Variants in AP3M1 observed in about 807,000 individuals in gnomAD.
AP3M1 encodes the protein adaptor related protein complex 3 subunit mu 1.
A neutral mutation model predicts 42.6 loss-of-function variants in AP3M1; 29 were observed. The ratio of observed to expected loss-of-function variants is 0.68; its 90% CI spans 0.51 to 0.93. The LOEUF is 0.93. AP3M1 is among the 40% of genes least tolerant of loss of function. AP3M1 has a pLI of 0.00. For missense variants in AP3M1, 416 were observed against 510.2 expected (o/e 0.82, Z 1.78); for synonymous variants, 178 against 175.3 (o/e 1.02, Z -0.12).
At chr10:74,139,728 T>C (rs1191932145) in intron 1 of AP3M1, among the ~76,000 whole-genome samples, 1 of 151,530 alleles carries the variant, frequency 6.6e-6, no homozygotes, top group Non-Finnish European at 1.5e-5. Context: ...CCATCCTGGC[T>C]AAGACGGTGA....
At chr10:74,139,645 C>T (rs1271409336) in intron 1 of AP3M1, among the ~76,000 whole-genome samples, 5 of 149,994 alleles carry the variant, frequency 3.3e-5, no homozygotes, top group Non-Finnish European at 5.9e-5. Context: ...AGGCCAGGCG[C>T]GGTGGCTCAC....
chr10:74,124,130 T>A, intron 8 of AP3M1, among the ~76,000 whole-genome samples: 1 of 152,206 alleles, frequency 6.6e-6, no homozygotes, highest in East Asian at 1.9e-4. Flanking sequence ...AATTCTACTT[T>A]CTGTGAATAT....
chr10:74,123,887 T>A lies in AP3M1; in HGVS notation c.1180A>T (p.Met394Leu), dbSNP rs1198943390. The A allele has an allele frequency of 2.5e-6, 4 of 1,613,852 alleles. No individual in the cohort carries two copies. Among genetic ancestry groups the A allele is most frequent in the Admixed American group, 1.7e-5 (1 of 59,994 alleles). ...AATGGCTTATATTTCTCCCCATACA[T>A]GTCCAAACGGTTTACTTTTAAGCCT... The part of the protein sequence containing the change: ...ISGLKVNRLD[M>L]YGEKYKPFKG... Residue 394 changes from methionine to leucine, a missense_variant, in exon 9 of 9, where the codon ATG (methionine) becomes TTG (leucine). Met to Leu is a conservative substitution (Grantham distance 15, BLOSUM62 2). Coordinates refer to ENST00000355264, the MANE Select transcript of AP3M1 (RefSeq NM_012095.6).
chr10:74,138,305 G>A lies in AP3M1; in HGVS notation c.75C>T (p.Ser25=), dbSNP rs201834232. 2 of 1,613,552 alleles carry A rather than the reference G, an allele frequency of 1.2e-6. No individual in the cohort carries two copies. Among genetic ancestry groups the A allele is most frequent in the Non-Finnish European group, 1.7e-6 (2 of 1,179,876 alleles). The change falls in exon 2 of 9, where the codon AGC becomes AGT. Residue 25 remains serine (S), a synonymous_variant. Transcript: ENST00000355264. ...CAAAGAAATAATCACAGACAGACTG[G>A]CTCACAACGCTCTTCCAGTGCTTCT... ...FLEKHWKSVV[S]QSVCDYFFEA... is the part of the protein sequence containing the mutation.
At chr10:74,138,453 C>T in intron 1 of AP3M1, 71 bp from the exon 2 acceptor site, 4 of 1,379,868 alleles carry the variant, frequency 2.9e-6, no homozygotes, top group Non-Finnish European at 3.0e-6. Flanking sequence ...AAAGATTATA[C>T]ACCTTGACCA....
chr10:74,143,666 C>T (rs899067184), intron 1 of AP3M1, among the ~76,000 whole-genome samples: 2 of 151,994 alleles, frequency 1.3e-5, no homozygotes, highest in African/African-American at 2.4e-5. Context: ...TACTATTATC[C>T]CCATTTTACA....
At chr10:74,125,113 T>C (rs1840576832) in intron 7 of AP3M1, among the ~76,000 whole-genome samples, 1 of 152,190 alleles carries the variant, frequency 6.6e-6, no homozygotes, top group Admixed American at 6.5e-5. Context: ...CCCAAGCAGC[T>C]GGGATACAGG....
intron 1 of AP3M1, among the ~76,000 whole-genome samples, chr10:74,139,186 T>C (rs1284499889): frequency 1.3e-5 from 2 of 151,952 alleles, no homozygotes; most frequent in Non-Finnish European, 2.9e-5. Flanking sequence ...TACAATCTTA[T>C]ATATAGAAAA....
intron 4 of AP3M1, among the ~76,000 whole-genome samples, chr10:74,133,165 C>T (rs1007565550): frequency 5.9e-5 from 9 of 152,088 alleles, no homozygotes; most frequent in African/African-American, 1.2e-4. Context: ...GAGGCCGAAA[C>T]GGGCAGATCA....
At chr10:74,137,996 G>C in intron 2 of AP3M1, 111 bp downstream of exon 2, 1 of 1,147,642 alleles carries the variant, frequency 8.7e-7, no homozygotes, top group Non-Finnish European at 1.2e-6. Context: ...CGCTTAAACA[G>C]AGAGAGACAG....
intron 2 of AP3M1, 62 bp from the exon 3 acceptor site, chr10:74,136,865 T>C: frequency 7.7e-6 from 9 of 1,165,054 alleles, no homozygotes; most frequent in Non-Finnish European, 1.1e-5. Flanking sequence ...TGCTAAATAC[T>C]TTTTGTTCTG....
At chr10:74,132,665 C>A (rs1449389449) in intron 4 of AP3M1, among the ~76,000 whole-genome samples, 3 of 151,250 alleles carry the variant, frequency 2.0e-5, no homozygotes, top group Non-Finnish European at 4.4e-5. Flanking sequence ...TAAGCAGGGA[C>A]TGCGCCAATG....
chr10:74,147,083 G>C (rs924134497), intron 1 of AP3M1, among the ~76,000 whole-genome samples: 1 of 152,112 alleles, frequency 6.6e-6, no homozygotes, highest in African/African-American at 2.4e-5. Flanking sequence ...GGGAGTTCGA[G>C]ACCAGCCTGG....
chr10:74,132,805 AT>A (rs1436065489), intron 4 of AP3M1, among the ~76,000 whole-genome samples: 2 of 152,204 alleles, frequency 1.3e-5, no homozygotes, highest in Non-Finnish European at 2.9e-5. Flanking sequence ...TATATAGCAG[AT>A]TTTCAATAAA....
intron 1 of AP3M1, chr10:74,138,959 A>G (rs905607675): frequency 6.7e-6 from 1 of 150,324 alleles, no homozygotes; most frequent in Non-Finnish European, 1.5e-5. Flanking sequence ...AAAAAAAAAA[A>G]TTTCCTTAAC....
chr10:74,125,782 T>C (rs897361433), intron 7 of AP3M1, among the ~76,000 whole-genome samples: 1 of 152,278 alleles, frequency 6.6e-6, no homozygotes, highest in Non-Finnish European at 1.5e-5. Flanking sequence ...TCAATTTATA[T>C]AGAAAACTTA....
Position 74,134,162 on chromosome 10 carries a change from T to G in AP3M1, c.448A>C (p.Ser150Arg). The G allele has an allele frequency of 6.2e-7, 1 of 1,613,536 alleles. No individual in the cohort carries two copies. The highest frequency in any genetic ancestry group is 8.5e-7 in the Non-Finnish European group (1 of 1,179,744). Residue 150 changes from serine (S) to arginine (R), a missense_variant and splice_region_variant, in exon 4 of 9, where the codon AGT becomes CGT. Physicochemically the swap from Ser to Arg is moderately radical, Grantham distance 110. Transcript: ENST00000355264. ...GGGAGTGTGTCCCCAACATTACTAC[T>G]GCCTAGAAACCAAAAAAGGAGAAGG... is the stretch of plus-strand genomic sequence containing the variant. ...LRSVVNSITGSSNVGDTLPTG... is the reference protein window; with the variant it reads ...LRSVVNSITGRSNVGDTLPTG...
At chr10:74,137,614 A>G (rs985807840) in intron 2 of AP3M1, among the ~76,000 whole-genome samples, 5 of 152,326 alleles carry the variant, frequency 3.3e-5, no homozygotes, top group African/African-American at 1.2e-4. Flanking sequence ...TAGTTCCAGG[A>G]TCCCCTGTAG....
chr10:74,139,635 A>G (rs1421266058), intron 1 of AP3M1, among the ~76,000 whole-genome samples: 7 of 150,360 alleles, frequency 4.7e-5, no homozygotes, highest in Non-Finnish European at 1.0e-4. Context: ...AAAAAAAAAA[A>G]GGCCAGGCGC....
Sources: gnomAD v4.1 joint callset for allele counts (sites outside exome capture counted in the v4.1 genomes callset) on GRCh38, gnomAD v4.1.1 for gene constraint, MANE v1.5 for transcripts, NCBI Gene and HGNC (gene_info 2026-07-23, HGNC 2026-07-21) for gene names.